MCTP1: variants seen among roughly 807,000 people sequenced by gnomAD.
The protein encoded by MCTP1 is multiple C2 and transmembrane domain-containing protein 1.
Under a neutral mutation model 120.6 loss-of-function variants are expected in MCTP1, and 69 were observed. The ratio of observed to expected loss-of-function variants is 0.57; its 90% CI spans 0.47 to 0.70. The LOEUF is 0.70. Ranked by LOEUF, MCTP1 falls within the 30% of genes least tolerant of loss-of-function variation. MCTP1 has a pLI of 0.00. For missense variants in MCTP1, 1,203 were observed against 1,248.8 expected (o/e 0.96, Z 0.55); for synonymous variants, 529 against 493.1 (o/e 1.07, Z -0.96).
Position 94,917,943 on chromosome 5 carries a change from C to T in MCTP1, c.1303G>A (p.Gly435Ser), listed in dbSNP as rs986160855. Residue 435 changes from glycine (G) to serine (S), a missense_variant, in exon 8 of 23, where the codon GGC becomes AGC. Around this residue, in one of 2 missense-constraint regions of MCTP1, gnomAD observed 740 missense variants for 871.1 expected, o/e 0.85. Coordinates refer to ENST00000515393, the MANE Select transcript of MCTP1 (RefSeq NM_024717.7). ...TTCTGAAGCTCTGCTCTGCAGAAGC[C>T]CAGGACAGGAAGAGCTGGCCTGCCG... ...TCGRPALPVLGFCRAELQNPY... is the reference protein window; with the variant it reads ...TCGRPALPVLSFCRAELQNPY... The T allele has an allele frequency of 6.2e-7, 1 of 1,613,834 alleles. No homozygotes were observed. The highest frequency in any genetic ancestry group is 1.3e-5 in the African/African-American group (1 of 74,872).
intron 17 of MCTP1, chr5:94,825,880 A>ATTT: frequency 1.9e-5 from 3 of 157,536 alleles, no homozygotes; most frequent in East Asian, 1.9e-4. Context: ...TTTAACATCT[A>ATTT]TTTTTTTTTT....
intron 1 of MCTP1, among the ~76,000 whole-genome samples, chr5:95,088,997 C>T (rs528673757): frequency 5.3e-5 from 8 of 152,132 alleles, no homozygotes; most frequent in Non-Finnish European, 1.0e-4. Context: ...ATTGTAGGCA[C>T]GATTTTTCAG....
At position 94,704,043 on chromosome 5, in the gene MCTP1, C is replaced by G. The variant is rs1754014542; in HGVS notation, c.*3453G>C. Reference sequence around the variant, plus strand: ...CTTTCAGTGAGTTACACCAATCATCCCAGGAAAAAGAATTATAATTGAAAG... The same window carrying G: ...CTTTCAGTGAGTTACACCAATCATCGCAGGAAAAAGAATTATAATTGAAAG... On this transcript the variant is annotated 3_prime_UTR_variant, in exon 23 of 23. Coordinates refer to ENST00000515393, the MANE Select transcript of MCTP1 (RefSeq NM_024717.7). 3 of 150,624 alleles carry G rather than the reference C, an allele frequency of 2.0e-5. No individual in the cohort carries two copies. In the South Asian group the frequency reaches 6.3e-4, roughly 31 times the overall value. The allele number at this position is 150,624 out of a possible 1,614,324, so 9.3% of individuals were successfully genotyped here. A position where few individuals can be genotyped will look rare whatever the true frequency, so the allele number is the denominator to read the frequency against.
At chr5:95,206,430 T>C (rs1243271393) in intron 1 of MCTP1, among the ~76,000 whole-genome samples, 1 of 152,184 alleles carries the variant, frequency 6.6e-6, no homozygotes, top group African/African-American at 2.4e-5. Context: ...GTATAGTATG[T>C]GAATTATATC....
At chr5:95,031,494 A>C (rs192298508) in intron 1 of MCTP1, among the ~76,000 whole-genome samples, 6 of 152,346 alleles carry the variant, frequency 3.9e-5, no homozygotes, top group Non-Finnish European at 8.8e-5. Flanking sequence ...GCTTTCTTTA[A>C]GAGAAAAATG....
Position 94,868,570 on chromosome 5 carries a change from A to C in MCTP1, c.2317-118T>G, listed in dbSNP as rs1797249065. ...GGATTCAGAAAGTTAATAAAGTTAC[A>C]AGAAAATACCAAACAATTTGGCTCA... On this transcript the variant is annotated intron_variant, in intron 16 of 22. Coordinates refer to ENST00000515393, the MANE Select transcript of MCTP1 (RefSeq NM_024717.7). 1.1e-5 allele frequency: 7 copies of C among 661,660 alleles called. No homozygotes were observed. In the East Asian group the frequency reaches 2.3e-4, roughly 22 times the overall value. 41.0% of individuals were successfully genotyped at this position (661,660 alleles called of 1,614,324 possible).
chr5:94,933,030 C>T (rs144235031), intron 5 of MCTP1, among the ~76,000 whole-genome samples: 2 of 152,016 alleles, frequency 1.3e-5, no homozygotes, highest in East Asian at 3.9e-4. Flanking sequence ...AGGGTAAAAA[C>T]TAAGACTAGC....
intron 3 of MCTP1, among the ~76,000 whole-genome samples, chr5:94,951,728 G>A (rs1247479187): frequency 6.6e-6 from 1 of 151,818 alleles, no homozygotes; most frequent in Non-Finnish European, 1.5e-5. Context: ...TTCTCATGTG[G>A]ATATTTCTTT....
At chr5:95,236,869 G>A (rs1456123721) in intron 1 of MCTP1, among the ~76,000 whole-genome samples, 8 of 152,152 alleles carry the variant, frequency 5.3e-5, no homozygotes, top group East Asian at 1.9e-4. Flanking sequence ...GAGTGCCTCC[G>A]TCCTTGAAGA....
At chr5:94,975,562 C>A (rs746211752) in intron 2 of MCTP1, among the ~76,000 whole-genome samples, 2 of 151,784 alleles carry the variant, frequency 1.3e-5, no homozygotes, top group Non-Finnish European at 2.9e-5. Flanking sequence ...GTTGTTTAAG[C>A]CACCCAGTCT....
intron 1 of MCTP1, among the ~76,000 whole-genome samples, chr5:95,138,484 A>T (rs533339612): frequency 3.3e-4 from 50 of 152,328 alleles, no homozygotes; most frequent in African/African-American, 1.2e-3. Flanking sequence ...TACACAAAGA[A>T]TCATCTGTTC....
At chr5:95,237,973 T>A (rs934920914) in intron 1 of MCTP1, among the ~76,000 whole-genome samples, 3 of 152,062 alleles carry the variant, frequency 2.0e-5, no homozygotes, top group African/African-American at 7.2e-5. Flanking sequence ...ATAACTGACA[T>A]ATGGATCTGA....
intron 17 of MCTP1, chr5:94,867,520 T>C (rs1016697588): frequency 1.7e-6 from 1 of 572,284 alleles, no homozygotes; most frequent in East Asian, 3.0e-5. Flanking sequence ...TCTGCTAAAC[T>C]GGCAACTATA....
At chr5:94,924,711 A>G (rs1425960720) in intron 6 of MCTP1, among the ~76,000 whole-genome samples, 2 of 152,234 alleles carry the variant, frequency 1.3e-5, no homozygotes, top group Non-Finnish European at 2.9e-5. Flanking sequence ...TAGAATATCT[A>G]AATTACAGTC....
At chr5:95,049,433 C>T (rs1290625133) in intron 1 of MCTP1, among the ~76,000 whole-genome samples, 1 of 152,092 alleles carries the variant, frequency 6.6e-6, no homozygotes, top group African/African-American at 2.4e-5. Context: ...AAGACTAAAA[C>T]ATTATGCTAA....
intron 1 of MCTP1, among the ~76,000 whole-genome samples, chr5:95,276,703 A>C (rs940801051): frequency 9.2e-5 from 14 of 151,498 alleles, no homozygotes; most frequent in Non-Finnish European, 2.1e-4. Context: ...TAATCCCAGC[A>C]CTTTGGGAGG....
At chr5:94,915,246 T>C (rs946672667) in intron 8 of MCTP1, among the ~76,000 whole-genome samples, 7 of 152,186 alleles carry the variant, frequency 4.6e-5, no homozygotes, top group Non-Finnish European at 5.9e-5. Context: ...CTCAGAGTGG[T>C]TGTGCTCATA....
intron 19 of MCTP1, among the ~76,000 whole-genome samples, chr5:94,715,387 A>C (rs1288301634): frequency 7.2e-6 from 1 of 138,442 alleles, no homozygotes; most frequent in African/African-American, 2.6e-5. Context: ...AAAAAAAAAA[A>C]AACACCACCA....
At chr5:94,974,813 G>A (rs1332390692) in intron 2 of MCTP1, among the ~76,000 whole-genome samples, 2 of 151,822 alleles carry the variant, frequency 1.3e-5, no homozygotes, top group South Asian at 2.1e-4. Flanking sequence ...ATAGTTGCAC[G>A]ACTTTTGTAG....
Sources: allele counts gnomAD v4.1 joint callset (sites outside exome capture counted in the v4.1 genomes callset), GRCh38; gene constraint gnomAD v4.1.1; regional missense constraint gnomAD v4.1.1; transcripts MANE v1.5; gene names NCBI Gene and HGNC (gene_info 2026-07-23, HGNC 2026-07-21).